The following RPS6KA2 variants were observed in gnomAD, a reference collection of about 807,000 sequenced individuals.
RPS6KA2 encodes ribosomal protein S6 kinase A2, also known as ribosomal protein S6 kinase alpha-2.
Under a neutral mutation model 91.8 loss-of-function variants are expected in RPS6KA2, and 42 were observed. The observed-to-expected ratio is 0.46, with a 90% confidence interval of 0.36 to 0.59. The LOEUF (loss-of-function observed/expected upper bound fraction) is 0.59. RPS6KA2 is among the 20% of genes least tolerant of loss of function. RPS6KA2 has a pLI of 0.00. For synonymous variants in RPS6KA2, 414 were observed against 393.6 expected (o/e 1.05, Z -0.61); for missense variants, 798 against 978.5 (o/e 0.82, Z 2.46).
intron 2 of RPS6KA2, among the ~76,000 whole-genome samples, chr6:166,772,643 T>A (rs1400876059): frequency 4.6e-5 from 7 of 152,204 alleles, no homozygotes; most frequent in African/African-American, 1.7e-4. Context: ...TGCCTTCGCC[T>A]ATCACCTCAT....
At chr6:166,727,711 C>G (rs1014878657) in intron 2 of RPS6KA2, among the ~76,000 whole-genome samples, 4 of 152,132 alleles carry the variant, frequency 2.6e-5, no homozygotes, top group African/African-American at 9.7e-5. Context: ...AATATCAGCA[C>G]CTTAAGGCAC....
intron 2 of RPS6KA2, among the ~76,000 whole-genome samples, chr6:166,680,714 T>A (rs775947093): frequency 7.9e-5 from 12 of 152,218 alleles, no homozygotes; most frequent in Non-Finnish European, 1.5e-4. Flanking sequence ...AAGGAAAAAA[T>A]TCTGGACATA....
intron 2 of RPS6KA2, among the ~76,000 whole-genome samples, chr6:166,675,404 C>T (rs868592606): frequency 5.4e-4 from 82 of 152,330 alleles, no homozygotes; most frequent in African/African-American, 1.8e-3. Context: ...CCAGTTTCCA[C>T]GCTGTTAATC....
intron 1 of RPS6KA2, among the ~76,000 whole-genome samples, chr6:166,625,167 G>C (rs1270300972): frequency 4.6e-5 from 7 of 152,158 alleles, no homozygotes. Flanking sequence ...CCAGCACCTA[G>C]TACGGGATCT....
At chr6:166,625,331 AC>A (rs10583661) in intron 1 of RPS6KA2, among the ~76,000 whole-genome samples, 1,886 of 52,598 alleles carry the variant, frequency 0.036, 50 homozygotes, top group East Asian at 0.04. Flanking sequence ...CCACCCCCCC[AC>A]CCCCCCCCCC....
intron 2 of RPS6KA2, among the ~76,000 whole-genome samples, chr6:166,837,025 C>T (rs563518777): frequency 9.9e-5 from 15 of 152,284 alleles, no homozygotes; most frequent in South Asian, 4.1e-4. Context: ...TTCCAGTACC[C>T]GCTGCACCCT....
At chr6:166,568,621 G>GGAAAAAA (rs1784578566) in intron 1 of RPS6KA2, among the ~76,000 whole-genome samples, 8 of 45,552 alleles carry the variant, frequency 1.8e-4, no homozygotes, top group South Asian at 1.1e-3. Context: ...CTCCATCTCA[G>GGAAAAAA]AAAAAAAAAA....
At position 166,740,582 on chromosome 6, in the gene RPS6KA2, A is replaced by G. The variant is rs562910836; in HGVS notation, c.123+117618T>C. 3.3e-5 allele frequency among the ~76,000 whole-genome samples: 5 copies of G among 152,366 alleles called. No individual in the cohort carries two copies. In the South Asian group the frequency reaches 1.0e-3, roughly 32 times the overall value. ...TCTTTAAAAAATTCAAAATAAAAGC[A>G]CAAAAATATTGAAAGTTAAAAACTT... On this transcript the variant is annotated intron_variant, in intron 2 of 21. Transcript: ENST00000503859.
intron 1 of RPS6KA2, among the ~76,000 whole-genome samples, chr6:166,605,170 GC>G (rs1785902251): frequency 6.6e-6 from 1 of 152,134 alleles, no homozygotes; most frequent in Non-Finnish European, 1.5e-5. Flanking sequence ...AGGGGCCCTG[GC>G]CCCCAAGGGC....
chr6:166,654,371 G>A (rs749355780), intron 2 of RPS6KA2, among the ~76,000 whole-genome samples: 1 of 152,206 alleles, frequency 6.6e-6, no homozygotes, highest in Non-Finnish European at 1.5e-5. Context: ...GAGCATGAAA[G>A]GGCACGGGCC....
intron 2 of RPS6KA2, among the ~76,000 whole-genome samples, chr6:166,789,430 C>T (rs920721961): frequency 6.6e-6 from 1 of 152,274 alleles, no homozygotes; most frequent in South Asian, 2.1e-4. Flanking sequence ...GGCTCCGCCT[C>T]TGGGGGCAGG....
intron 1 of RPS6KA2, among the ~76,000 whole-genome samples, chr6:166,544,363 G>T (rs1783756556): frequency 6.6e-6 from 1 of 152,142 alleles, no homozygotes; most frequent in African/African-American, 2.4e-5. Context: ...GTCTGTGCAG[G>T]AACAGCCCCC....
rs1041028857 is a variant in RPS6KA2, at chr6:166,454,467, T to C, written c.1076-3234A>G. ...GAGCCAAGATCGCACCACTGCACTC[T>C]AGCCTGGGTGACAGAGCGAGACTCT... is the stretch of plus-strand genomic sequence containing the variant. On this transcript the variant is annotated intron_variant, in intron 12 of 20. Transcript: ENST00000265678. Among the ~76,000 whole-genome samples, 7 of 152,118 alleles carry C rather than the reference T, an allele frequency of 4.6e-5. No homozygotes were observed. The South Asian group carries it at 8.3e-4, about 18-fold the overall frequency.
chr6:166,859,470 A>C (rs964272793), intron 1 of RPS6KA2, among the ~76,000 whole-genome samples: 1 of 152,170 alleles, frequency 6.6e-6, no homozygotes, highest in Non-Finnish European at 1.5e-5. Context: ...TAATTCATGA[A>C]ATACTACATG....
chr6:166,621,780 C>A (rs904131736), intron 1 of RPS6KA2, among the ~76,000 whole-genome samples: 1 of 152,228 alleles, frequency 6.6e-6, no homozygotes, highest in Non-Finnish European at 1.5e-5. Flanking sequence ...ACTCTCCTGG[C>A]AGCTCCCTGA....
At chr6:166,470,331 C>G (rs557074371) in intron 10 of RPS6KA2, among the ~76,000 whole-genome samples, 2 of 152,278 alleles carry the variant, frequency 1.3e-5, no homozygotes, top group Admixed American at 1.3e-4. Flanking sequence ...CTGCAGTTAA[C>G]CCGGGAGGGA....
chr6:166,413,493 C>T (rs746857997), intron 20 of RPS6KA2, among the ~76,000 whole-genome samples: 12 of 152,130 alleles, frequency 7.9e-5, no homozygotes, highest in African/African-American at 2.9e-4. Context: ...ATGTAAGTCA[C>T]TTATGAAGGG....
chr6:166,790,933 G>A (rs1340352837), intron 2 of RPS6KA2, among the ~76,000 whole-genome samples: 1 of 152,080 alleles, frequency 6.6e-6, no homozygotes, highest in African/African-American at 2.4e-5. Context: ...AGACCATCAA[G>A]GCTAGGAAGA....
At chr6:166,469,326 G>GTTTTTTTT (rs60876703) in intron 11 of RPS6KA2, among the ~76,000 whole-genome samples, 2 of 137,754 alleles carry the variant, frequency 1.5e-5, no homozygotes, top group African/African-American at 5.4e-5. Flanking sequence ...CGGCACTGTT[G>GTTTTTTTT]TTTTTTTTTT....
Sources: gnomAD v4.1 joint callset for allele counts (sites outside exome capture counted in the v4.1 genomes callset) on GRCh38, gnomAD v4.1.1 for gene constraint, MANE v1.5 for transcripts, NCBI Gene and HGNC (gene_info 2026-07-23, HGNC 2026-07-21) for gene names.